The following ANKRD55 variants were observed in gnomAD, a reference collection of about 807,000 sequenced individuals.
ANKRD55 encodes the protein ankyrin repeat domain-containing protein 55.
A neutral mutation model predicts 60.6 loss-of-function variants in ANKRD55; 41 were observed. That is an observed-to-expected ratio of 0.68 (90% CI 0.53 to 0.88). ANKRD55 has a LOEUF of 0.88. Ranked by LOEUF, ANKRD55 falls within the 40% of genes least tolerant of loss-of-function variation. The probability of loss-of-function intolerance (pLI) is 0.00; values close to 1 mark genes in which losing one functional copy is unlikely to be tolerated. For synonymous variants in ANKRD55, 264 were observed against 290.3 expected, an observed-to-expected ratio of 0.91 and a Z score of 0.92; for missense variants, 732 against 767.6, an observed-to-expected ratio of 0.95 and a Z score of 0.55.
In ANKRD55 at chr5:56,126,913, C is replaced by T. The variant is rs1054291767; in HGVS notation, c.797+9G>A. 5 of 1,590,384 alleles carry T rather than the reference C, an allele frequency of 3.1e-6. No individual in the cohort carries two copies. The Admixed American group carries it at 5.3e-5, about 17-fold the overall frequency. On this transcript the variant is annotated intron_variant, in intron 8 of 11. Coordinates refer to ENST00000341048, the MANE Select transcript of ANKRD55 (RefSeq NM_024669.3). ...TAGTTTCCCAGCACTTTCTGGTTACCATGGATACCTGTCATCCACATCCAG... is the reference window on the plus strand; with the variant it reads ...TAGTTTCCCAGCACTTTCTGGTTACTATGGATACCTGTCATCCACATCCAG...
intron 6 of ANKRD55, among the ~76,000 whole-genome samples, chr5:56,151,669 C>T (rs928948139): frequency 4.0e-5 from 6 of 151,806 alleles, no homozygotes; most frequent in South Asian, 2.1e-4. Context: ...AAAAATTAAC[C>T]GGGCATGGTG....
At chr5:56,174,830 CAAAAAAAAAAAAAA>C (rs59849503) in intron 4 of ANKRD55, among the ~76,000 whole-genome samples, 1 of 65,944 alleles carries the variant, frequency 1.5e-5, no homozygotes. Context: ...GACTCTGTCT[CAAAAAAAAAAAAAA>C]AAAAAAAAAT....
intron 6 of ANKRD55, among the ~76,000 whole-genome samples, chr5:56,157,518 G>A (rs1758223606): frequency 2.6e-5 from 4 of 152,240 alleles, no homozygotes; most frequent in African/African-American, 9.6e-5. Flanking sequence ...GCAATGGAAT[G>A]TCTTGGTGTA....
chr5:56,183,648 A>G lies in ANKRD55; in HGVS notation c.59-14T>C. The G allele has an allele frequency of 6.2e-7, 1 of 1,613,758 alleles. No individual in the cohort carries two copies. Among genetic ancestry groups the G allele is most frequent in the Non-Finnish European group, 8.5e-7 (1 of 1,179,858 alleles). On this transcript the variant is annotated splice_polypyrimidine_tract_variant and intron_variant, in intron 2 of 11. Coordinates refer to ENST00000341048, the MANE Select transcript of ANKRD55 (RefSeq NM_024669.3). ...CAGATGAGTCACCTTCATGCATAAA[A>G]CAGACACAATGTTAGTGTGTGGAGC...
At chr5:56,136,998 A>G in intron 7 of ANKRD55, 2 of 669,788 alleles carry the variant, frequency 3.0e-6, no homozygotes, top group Non-Finnish European at 5.6e-6. Context: ...TCTTCACTTG[A>G]CCCAGAGAGC....
At chr5:56,166,273 C>T (rs558819863) in intron 5 of ANKRD55, among the ~76,000 whole-genome samples, 2 of 149,282 alleles carry the variant, frequency 1.3e-5, no homozygotes, top group East Asian at 2.0e-4. Context: ...TTCCTTCCTT[C>T]CTTCCTTCGG....
chr5:56,141,733 A>G (rs1281276858), intron 7 of ANKRD55, among the ~76,000 whole-genome samples: 1 of 152,192 alleles, frequency 6.6e-6, no homozygotes, highest in African/African-American at 2.4e-5. Flanking sequence ...GAACTGGTAA[A>G]CATAAAAAAA....
chr5:56,230,021 G>A lies in ANKRD55; in HGVS notation c.58+2835C>T, dbSNP rs939074161. Among the ~76,000 whole-genome samples the A allele has an allele frequency of 2.9e-4, 44 of 152,110 alleles. 1 individual carries two copies. The highest frequency in any genetic ancestry group is 5.9e-5 in the Non-Finnish European group (4 of 68,000). On this transcript the variant is annotated intron_variant, in intron 2 of 11. Transcript: ENST00000341048. ...GAACTTCCCAAGGAGTGTTGGTTGG[G>A]CCAACCACTGCAGTTAAACTGGAAT...
intron 10 of ANKRD55, chr5:56,108,353 G>A (rs1267126869): frequency 6.6e-6 from 1 of 152,188 alleles, no homozygotes; most frequent in Non-Finnish European, 1.5e-5. Context: ...TCGTTTGGCC[G>A]GGACAGGCCT....
chr5:56,161,534 A>T (rs1347999719), intron 5 of ANKRD55, among the ~76,000 whole-genome samples: 1 of 152,274 alleles, frequency 6.6e-6, no homozygotes, highest in East Asian at 1.9e-4. Flanking sequence ...CCTTAGCAGT[A>T]AATGTAATAC....
intron 2 of ANKRD55, among the ~76,000 whole-genome samples, chr5:56,201,663 A>G (rs1401676091): frequency 6.6e-6 from 1 of 152,202 alleles, no homozygotes; most frequent in Non-Finnish European, 1.5e-5. Flanking sequence ...AGCTAAATGA[A>G]TTAATTCATA....
intron 5 of ANKRD55, among the ~76,000 whole-genome samples, chr5:56,163,856 C>T (rs529028867): frequency 3.3e-5 from 5 of 152,246 alleles, no homozygotes; most frequent in African/African-American, 1.2e-4. Flanking sequence ...CTTTGGGAGA[C>T]CAAGGTGGGC....
At chr5:56,168,080 G>A (rs1379416079) in intron 5 of ANKRD55, among the ~76,000 whole-genome samples, 1 of 152,140 alleles carries the variant, frequency 6.6e-6, no homozygotes, top group Non-Finnish European at 1.5e-5. Context: ...TAGATTCCTG[G>A]CTAGAAACTA....
intron 2 of ANKRD55, among the ~76,000 whole-genome samples, chr5:56,185,688 A>C (rs972017004): frequency 2.0e-4 from 31 of 152,122 alleles, no homozygotes; most frequent in African/African-American, 7.2e-4. Context: ...AAAAGTAAAA[A>C]AAGAGAAAAA....
At chr5:56,127,365 A>G (rs953449286) in intron 7 of ANKRD55, 1 of 985,320 alleles carries the variant, frequency 1.0e-6, no homozygotes, top group Non-Finnish European at 1.2e-6. Flanking sequence ...CTAGTGAACG[A>G]AGGATGGATT....
chr5:56,135,272 C>CT (rs1554038491), intron 7 of ANKRD55, among the ~76,000 whole-genome samples: 1 of 104,160 alleles, frequency 9.6e-6, no homozygotes, highest in Non-Finnish European at 1.8e-5. Context: ...CTTTCCCTCC[C>CT]TCCCTCCCTG....
At chr5:56,155,864 A>C (rs1375225468) in intron 6 of ANKRD55, among the ~76,000 whole-genome samples, 4 of 151,724 alleles carry the variant, frequency 2.6e-5, no homozygotes, top group Admixed American at 1.3e-4. Context: ...AAAAAAAAAA[A>C]ACCAAAACCA....
At chr5:56,178,674 A>G (rs1581004499) in intron 3 of ANKRD55, among the ~76,000 whole-genome samples, 1 of 152,248 alleles carries the variant, frequency 6.6e-6, no homozygotes, top group African/African-American at 2.4e-5. Context: ...AGCAAGACTT[A>G]TGTGGATAAG....
Position 56,111,640 on chromosome 5 carries a change from A to G in ANKRD55, c.1108T>C (p.Tyr370His). The change falls in exon 10 of 12, where the codon TAC becomes CAC. Residue 370 changes from tyrosine to histidine, a missense_variant. By Grantham distance (83) the Tyr-to-His change is moderately conservative (BLOSUM62 2). Coordinates refer to ENST00000341048, the MANE Select transcript of ANKRD55 (RefSeq NM_024669.3). Reference protein sequence around the residue: ...AHQKDPSRDRYREEDTSEVND... With the variant: ...AHQKDPSRDRHREEDTSEVND... ...ACTTCTGAGGTGTCCTCCTCTCTGT[A>G]TCGGTCCCTGCTGGGATCCTTCTGA... 3.9e-6 allele frequency: 6 copies of G among 1,554,604 alleles called. No individual in the cohort carries two copies. In the South Asian group the frequency reaches 6.4e-5, roughly 17 times the overall value.
Sources: allele counts gnomAD v4.1 joint callset (sites outside exome capture counted in the v4.1 genomes callset), GRCh38; gene constraint gnomAD v4.1.1; transcripts MANE v1.5; gene names NCBI Gene and HGNC (gene_info 2026-07-23, HGNC 2026-07-21).